The following MGMT variants were observed in gnomAD, a reference collection of about 807,000 sequenced individuals.
The protein encoded by MGMT is O-6-methylguanine-DNA methyltransferase.
MGMT carries 14 observed loss-of-function variants against 15.9 expected under a neutral mutation model. That is an observed-to-expected ratio of 0.88 (90% CI 0.58 to 1.37). The LOEUF is 1.37. Among genes scored for constraint, MGMT ranks in the 40% most tolerant of loss-of-function variants. The pLI is 0.00. For missense variants in MGMT, 282 were observed against 268.1 expected, an observed-to-expected ratio of 1.05 and a Z score of -0.36; for synonymous variants, 130 against 118.2, an observed-to-expected ratio of 1.10 and a Z score of -0.65.
intron 3 of MGMT, chr10:129,717,994 G>C (rs916695257): frequency 6.6e-6 from 1 of 152,180 alleles, no homozygotes; most frequent in African/African-American, 2.4e-5. Flanking sequence ...ATCTGGCCTT[G>C]CCCCCAGGAT....
chr10:129,493,482 A>G (rs1475159614), intron 1 of MGMT, among the ~76,000 whole-genome samples: 1 of 152,254 alleles, frequency 6.6e-6, no homozygotes, highest in Non-Finnish European at 1.5e-5. Flanking sequence ...TTTATTCAAT[A>G]TCTAGTGCAT....
chr10:129,518,299 A>G (rs1845761481), intron 1 of MGMT, among the ~76,000 whole-genome samples: 1 of 149,236 alleles, frequency 6.7e-6, no homozygotes, highest in South Asian at 2.1e-4. Context: ...CTTAAAGATG[A>G]GAAAATTCTA....
chr10:129,497,756 G>T (rs1241865881), intron 1 of MGMT, among the ~76,000 whole-genome samples: 4 of 152,202 alleles, frequency 2.6e-5, no homozygotes, highest in Non-Finnish European at 4.4e-5. Flanking sequence ...ACTAGGTCAG[G>T]CTGGAGCCCT....
intron 2 of MGMT, chr10:129,563,782 C>G (rs1057008560): frequency 4.6e-5 from 7 of 152,308 alleles, no homozygotes; most frequent in Admixed American, 1.3e-4. Context: ...TTCACAGGCC[C>G]CTTCTGGTTC....
intron 2 of MGMT, among the ~76,000 whole-genome samples, chr10:129,543,101 G>A (rs184203937): frequency 1.1e-3 from 161 of 152,278 alleles, no homozygotes; most frequent in African/African-American, 3.7e-3. Context: ...ATTATGTTCC[G>A]TGACGAGAGG....
chr10:129,507,757 CTG>C (rs1006795779), intron 1 of MGMT, among the ~76,000 whole-genome samples: 1 of 152,194 alleles, frequency 6.6e-6, no homozygotes, highest in African/African-American at 2.4e-5. Context: ...TCGCGCACTG[CTG>C]TGTTTGCCAG....
chr10:129,677,028 G>A (rs888165090), intron 2 of MGMT, among the ~76,000 whole-genome samples: 2 of 152,246 alleles, frequency 1.3e-5, no homozygotes, highest in African/African-American at 2.4e-5. Context: ...CACCATCAGC[G>A]TGCTAGTAGT....
In MGMT at chr10:129,639,288, A is replaced by G. The variant is rs992105420; in HGVS notation, c.126-68607A>G. Among the ~76,000 whole-genome samples, 3 of 152,316 alleles carry G rather than the reference A, an allele frequency of 2.0e-5. No homozygotes were observed. The South Asian group carries it at 6.2e-4, about 32-fold the overall frequency. On this transcript the variant is annotated intron_variant, in intron 2 of 4. Coordinates refer to ENST00000651593, the MANE Select transcript of MGMT (RefSeq NM_002412.5). ...AAAAAGTTACTAGGGTTAAAGAGAG[A>G]TGTTACATAGCGATAAAGTATTCAG...
chr10:129,749,425 A>T (rs902564466), intron 3 of MGMT, among the ~76,000 whole-genome samples: 1 of 152,128 alleles, frequency 6.6e-6, no homozygotes, highest in African/African-American at 2.4e-5. Context: ...GCTTAGCAAT[A>T]TACATTTAGT....
chr10:129,692,965 G>T (rs937819997), intron 2 of MGMT, among the ~76,000 whole-genome samples: 2 of 152,262 alleles, frequency 1.3e-5, no homozygotes, highest in African/African-American at 4.8e-5. Flanking sequence ...GACGCCACTC[G>T]CTGGCAAAGC....
At chr10:129,727,486 T>A (rs1848447273) in intron 3 of MGMT, among the ~76,000 whole-genome samples, 1 of 152,164 alleles carries the variant, frequency 6.6e-6, no homozygotes, top group Non-Finnish European at 1.5e-5. Flanking sequence ...GAAAGAAAGG[T>A]CATTTGTGTT....
intron 1 of MGMT, among the ~76,000 whole-genome samples, chr10:129,511,461 C>A (rs1359440393): frequency 6.7e-6 from 1 of 149,876 alleles, no homozygotes; most frequent in African/African-American, 2.5e-5. Flanking sequence ...GTGATGGGAA[C>A]CCCGTATACC....
chr10:129,587,607 G>A (rs989286721), intron 2 of MGMT, among the ~76,000 whole-genome samples: 1 of 150,998 alleles, frequency 6.6e-6, no homozygotes, highest in African/African-American at 2.4e-5. Flanking sequence ...CCCTGTCTCA[G>A]CCTCCCAAGT....
At chr10:129,603,305 G>GTACC (rs1381827099) in intron 2 of MGMT, among the ~76,000 whole-genome samples, 2 of 152,206 alleles carry the variant, frequency 1.3e-5, no homozygotes, top group Non-Finnish European at 2.9e-5. Context: ...GCATGAAAAT[G>GTACC]TACCATATGC....
intron 2 of MGMT, among the ~76,000 whole-genome samples, chr10:129,572,857 T>G (rs1846436077): frequency 6.6e-6 from 1 of 152,232 alleles, no homozygotes; most frequent in Non-Finnish European, 1.5e-5. Context: ...CTCTCACATT[T>G]ATCTTAAGTC....
At chr10:129,542,300 G>A (rs1439170836) in intron 2 of MGMT, among the ~76,000 whole-genome samples, 4 of 152,114 alleles carry the variant, frequency 2.6e-5, no homozygotes, top group Non-Finnish European at 4.4e-5. Context: ...TTATCCCCAC[G>A]GCCTCTCCGT....
At chr10:129,657,705 ACG>A (rs1491129719) in intron 2 of MGMT, among the ~76,000 whole-genome samples, 10,388 of 137,536 alleles carry the variant, frequency 0.076, 652 homozygotes, top group Non-Finnish European at 0.091. Flanking sequence ...ACACACACAC[ACG>A]CACACACACA....
rs370084215 is a variant in MGMT at position 129,489,283 on chromosome 10, C to A, written c.-13+21987C>A. On this transcript the variant is annotated intron_variant, in intron 1 of 4. Transcript: ENST00000651593. ...GCTGAGACAGGGGAATTGCATGAAC[C>A]CGGGAAGCGGAGGTTGCAGTGAGCT... Among the ~76,000 whole-genome samples the A allele has an allele frequency of 1.7e-4, 25 of 145,896 alleles. 1 individual carries two copies. In the East Asian group the frequency reaches 4.4e-3, roughly 26 times the overall value.
chr10:129,751,414 TGTCA>T (rs1589975830), intron 3 of MGMT, among the ~76,000 whole-genome samples: 1 of 151,996 alleles, frequency 6.6e-6, no homozygotes, highest in Non-Finnish European at 1.5e-5. Flanking sequence ...TCTTCTTTTC[TGTCA>T]GTCTTTTAGA....
Sources: gnomAD v4.1 joint callset for allele counts (sites outside exome capture counted in the v4.1 genomes callset) on GRCh38, gnomAD v4.1.1 for gene constraint, MANE v1.5 for transcripts, NCBI Gene and HGNC (gene_info 2026-07-23, HGNC 2026-07-21) for gene names.